MYO16: variants seen among roughly 807,000 people sequenced by gnomAD.
The protein encoded by MYO16 is myosin XVI.
MYO16 carries 94 observed loss-of-function variants against 205.3 expected under a neutral mutation model. The observed-to-expected ratio is 0.46, with a 90% CI of 0.39 to 0.54. MYO16 has a LOEUF of 0.54. Among genes scored for constraint, MYO16 ranks in the 20% least tolerant of loss-of-function variants. The pLI is 0.00. For missense variants in MYO16, 2,315 were observed against 2,387.5 expected (o/e 0.97, Z 0.63); for synonymous variants, 988 against 954.0 (o/e 1.04, Z -0.66).
intron 2 of MYO16, among the ~76,000 whole-genome samples, chr13:108,702,030 G>A (rs1028590816): frequency 3.3e-5 from 5 of 151,450 alleles, no homozygotes; most frequent in Admixed American, 2.6e-4. Flanking sequence ...AAAAAAAAAT[G>A]AAGAAAAATG....
chr13:108,959,011 A>G (rs1459278802), intron 17 of MYO16, among the ~76,000 whole-genome samples: 1 of 152,134 alleles, frequency 6.6e-6, no homozygotes, highest in Non-Finnish European at 1.5e-5. Flanking sequence ...TTCCCTGCCC[A>G]CACCGTTATG....
intron 33 of MYO16, among the ~76,000 whole-genome samples, chr13:109,166,415 G>T (rs768378566): frequency 6.6e-6 from 1 of 152,150 alleles, no homozygotes; most frequent in African/African-American, 2.4e-5. Flanking sequence ...AAAATCCCCA[G>T]AATGAAACAG....
At chr13:108,995,589 C>T (rs942363880) in intron 21 of MYO16, among the ~76,000 whole-genome samples, 2 of 152,060 alleles carry the variant, frequency 1.3e-5, no homozygotes, top group South Asian at 2.1e-4. Flanking sequence ...TCCCTCCCCC[C>T]TCTCCCCACT....
rs34749054 is a variant in MYO16, at chr13:108,876,111, G to GAAA, written c.1426-6948_1426-6947insAAA. Among the ~76,000 whole-genome samples the GAAA allele has an allele frequency of 1.3e-3, 194 of 146,024 alleles. 3 individuals carry two copies. The highest frequency in any genetic ancestry group is 4.5e-3 in the African/African-American group (176 of 39,352). On this transcript the variant is annotated intron_variant, in intron 12 of 34. Transcript: ENST00000457511. ...AACAGAAATTAGATCTGCTGGACAA[G>GAAA]CTGGACTAAAACTCCTCAGTTTTAT...
intron 7 of MYO16, among the ~76,000 whole-genome samples, chr13:108,814,786 A>C (rs1236495454): frequency 1.3e-5 from 2 of 152,244 alleles, no homozygotes; most frequent in Non-Finnish European, 2.9e-5. Flanking sequence ...AACACTGGCA[A>C]GAGCCATAAT....
At chr13:108,985,580 T>G (rs1443209127) in intron 20 of MYO16, among the ~76,000 whole-genome samples, 1 of 152,220 alleles carries the variant, frequency 6.6e-6, no homozygotes, top group Admixed American at 6.5e-5. Flanking sequence ...GTCAGTGTAT[T>G]TAACTTCATG....
intron 7 of MYO16, among the ~76,000 whole-genome samples, chr13:108,809,447 C>T (rs1313653946): frequency 6.6e-6 from 1 of 152,142 alleles, no homozygotes; most frequent in Non-Finnish European, 1.5e-5. Context: ...ATGGCTCTGG[C>T]ATCTGCTGGG....
intron 23 of MYO16, among the ~76,000 whole-genome samples, chr13:109,027,291 G>A (rs549939356): frequency 6.6e-6 from 1 of 152,132 alleles, no homozygotes; most frequent in Non-Finnish European, 1.5e-5. Flanking sequence ...TAATCCAGCC[G>A]GACCGCATCT....
At chr13:108,610,212 G>A (rs1879120667) in intron 1 of MYO16, among the ~76,000 whole-genome samples, 1 of 152,234 alleles carries the variant, frequency 6.6e-6, no homozygotes, top group Admixed American at 6.5e-5. Context: ...AGGATTAAAG[G>A]AGAGAGTGCA....
At chr13:108,737,377 C>G (rs570448803) in intron 4 of MYO16, among the ~76,000 whole-genome samples, 3 of 152,158 alleles carry the variant, frequency 2.0e-5, no homozygotes, top group Non-Finnish European at 4.4e-5. Flanking sequence ...AAGGCCTTTT[C>G]TGCATCTATT....
chr13:108,945,333 C>A (rs1379311409), intron 16 of MYO16, among the ~76,000 whole-genome samples: 1 of 152,056 alleles, frequency 6.6e-6, no homozygotes. Context: ...TGATTGTGAC[C>A]TGAAAGCACA....
intron 27 of MYO16, among the ~76,000 whole-genome samples, chr13:109,097,828 AG>A (rs1295583806): frequency 1.3e-5 from 2 of 152,352 alleles, no homozygotes; most frequent in East Asian, 3.9e-4. Flanking sequence ...ATGAGAAGAA[AG>A]GGTGGTTGCT....
At chr13:109,000,337 T>C (rs1435071754) in intron 21 of MYO16, among the ~76,000 whole-genome samples, 1 of 152,170 alleles carries the variant, frequency 6.6e-6, no homozygotes, top group Non-Finnish European at 1.5e-5. Context: ...CAACAGCTTT[T>C]TCAGAAAATT....
At chr13:109,034,355 G>A (rs1027693448) in intron 23 of MYO16, among the ~76,000 whole-genome samples, 1 of 152,166 alleles carries the variant, frequency 6.6e-6, no homozygotes, top group African/African-American at 2.4e-5. Flanking sequence ...AATCATGGGG[G>A]TGGTTTGCCC....
At chr13:108,912,366 A>G (rs1881306389) in intron 16 of MYO16, among the ~76,000 whole-genome samples, 3 of 152,214 alleles carry the variant, frequency 2.0e-5, no homozygotes, top group Admixed American at 2.0e-4. Flanking sequence ...ATTTACAAAG[A>G]AAGACTGTTT....
chr13:108,885,142 G>A (rs146770582), intron 13 of MYO16, among the ~76,000 whole-genome samples: 8 of 152,076 alleles, frequency 5.3e-5, no homozygotes, highest in East Asian at 3.9e-4. Flanking sequence ...CTTTTGATAC[G>A]GAGTTTCGTT....
intron 4 of MYO16, among the ~76,000 whole-genome samples, chr13:108,742,567 A>G (rs986586806): frequency 6.6e-6 from 1 of 152,152 alleles, no homozygotes; most frequent in Non-Finnish European, 1.5e-5. Flanking sequence ...ACATCCAAGC[A>G]CCAATGCTCT....
intron 1 of MYO16, among the ~76,000 whole-genome samples, chr13:108,644,084 C>T (rs1249865441): frequency 6.6e-6 from 1 of 152,194 alleles, no homozygotes; most frequent in Non-Finnish European, 1.5e-5. Context: ...CTGGGTCCAG[C>T]CTGGGGTTCC....
intron 10 of MYO16, among the ~76,000 whole-genome samples, chr13:108,847,775 C>G (rs1182307048): frequency 6.6e-6 from 1 of 152,028 alleles, no homozygotes; most frequent in East Asian, 1.9e-4. Flanking sequence ...TTATAATGTG[C>G]AAGACTTCCT....
Sources: gnomAD v4.1 joint callset for allele counts (sites outside exome capture counted in the v4.1 genomes callset) on GRCh38, gnomAD v4.1.1 for gene constraint, MANE v1.5 for transcripts, NCBI Gene and HGNC (gene_info 2026-07-23, HGNC 2026-07-21) for gene names.